The following SEMA6D variants were observed in gnomAD, a reference collection of about 807,000 sequenced individuals.
The protein encoded by SEMA6D is semaphorin-6D.
SEMA6D carries 35 observed loss-of-function variants against 106.6 expected under a neutral mutation model. The ratio of observed to expected loss-of-function variants is 0.33; its 90% CI spans 0.25 to 0.44. The LOEUF (loss-of-function observed/expected upper bound fraction) is 0.44. SEMA6D is among the 20% of genes least tolerant of loss of function. SEMA6D has a pLI of 1.00. For missense variants in SEMA6D, 1,185 were observed against 1,345.9 expected (o/e 0.88, Z 1.87); for synonymous variants, 499 against 487.7 (o/e 1.02, Z -0.31).
intron 1 of SEMA6D, among the ~76,000 whole-genome samples, chr15:47,752,978 C>T (rs1194411361): frequency 6.6e-6 from 1 of 151,144 alleles, no homozygotes; most frequent in Non-Finnish European, 1.5e-5. Flanking sequence ...CACTGCACTC[C>T]ACCCTGGGCA....
At chr15:47,235,658 A>G (rs567204922) in intron 1 of SEMA6D, among the ~76,000 whole-genome samples, 99 of 152,166 alleles carry the variant, frequency 6.5e-4, no homozygotes, top group African/African-American at 2.4e-3. Context: ...TGAGCTCTCT[A>G]TTCTGTTCCA....
At chr15:47,683,048 T>A (rs1016376568) in intron 4 of SEMA6D, among the ~76,000 whole-genome samples, 5 of 152,218 alleles carry the variant, frequency 3.3e-5, no homozygotes, top group African/African-American at 1.2e-4. Flanking sequence ...AAATGATTAG[T>A]CTGTGCACAT....
intron 1 of SEMA6D, among the ~76,000 whole-genome samples, chr15:47,404,203 A>T (rs8032737): frequency 6.6e-6 from 1 of 151,676 alleles, no homozygotes; most frequent in African/African-American, 2.4e-5. Context: ...ATACCCTAGC[A>T]AGGAGAACCT....
intron 1 of SEMA6D, among the ~76,000 whole-genome samples, chr15:47,725,239 G>A (rs1399839079): frequency 1.3e-5 from 2 of 152,156 alleles, no homozygotes; most frequent in Non-Finnish European, 2.9e-5. Context: ...GCTCATCACT[G>A]TAAGCTAGCA....
chr15:47,364,851 G>A (rs2038954688), intron 1 of SEMA6D, among the ~76,000 whole-genome samples: 1 of 151,844 alleles, frequency 6.6e-6, no homozygotes, highest in Non-Finnish European at 1.5e-5. Flanking sequence ...GCTCTGAGCT[G>A]TATCTCAATA....
At chr15:47,224,337 C>T (rs1467896688) in intron 1 of SEMA6D, among the ~76,000 whole-genome samples, 1 of 151,924 alleles carries the variant, frequency 6.6e-6, no homozygotes, top group Non-Finnish European at 1.5e-5. Context: ...GATTCTTTTT[C>T]TATCCTCTGT....
intron 1 of SEMA6D, among the ~76,000 whole-genome samples, chr15:47,258,113 A>C (rs2033900762): frequency 6.6e-6 from 1 of 152,104 alleles, no homozygotes; most frequent in African/African-American, 2.4e-5. Context: ...TTTTGATTTG[A>C]AGTAAGCTTT....
intron 1 of SEMA6D, among the ~76,000 whole-genome samples, chr15:47,747,171 G>A (rs1442151754): frequency 6.6e-6 from 1 of 151,958 alleles, no homozygotes; most frequent in African/African-American, 2.4e-5. Flanking sequence ...CTGTTAATGA[G>A]GATTGTTTCT....
chr15:47,766,543 T>TTC, intron 15 of SEMA6D, 73 bp from the exon 16 acceptor site: 1 of 1,399,762 alleles, frequency 7.1e-7, no homozygotes, highest in Non-Finnish European at 1.0e-6. Flanking sequence ...GTGTTCTTGG[T>TTC]TCTGCTCTGG....
chr15:47,195,948 C>G (rs1894314768), intron 1 of SEMA6D, among the ~76,000 whole-genome samples: 1 of 151,990 alleles, frequency 6.6e-6, no homozygotes, highest in African/African-American at 2.4e-5. Flanking sequence ...CAAGGCCCCC[C>G]AGGCCACCTG....
intron 3 of SEMA6D, among the ~76,000 whole-genome samples, chr15:47,552,889 T>A (rs1024894941): frequency 2.0e-4 from 3 of 14,722 alleles, no homozygotes; most frequent in Non-Finnish European, 2.7e-4. Context: ...TAAATATATA[T>A]AAATATATAT....
At chr15:47,252,432 A>C (rs181699240) in intron 1 of SEMA6D, among the ~76,000 whole-genome samples, 154 of 152,230 alleles carry the variant, frequency 1.0e-3, no homozygotes, top group African/African-American at 3.7e-3. Flanking sequence ...TAACTATCCT[A>C]AAATACACAA....
rs1315246138 is a variant in SEMA6D at position 47,771,324 on chromosome 15, A to G, written c.2761A>G (p.Lys921Glu). ...GGGATCGATGTCTGAGGTCCCACCT[A>G]AAGTCCCTAACCGGGAGGCATCGCT... ...PMGSMSEVPP[K>E]VPNREASLYS... Residue 921 changes from lysine to glutamate, a missense_variant, in exon 19 of 19, where the codon AAA becomes GAA. Coordinates refer to ENST00000536845, the MANE Select transcript of SEMA6D (RefSeq NM_001358351.3). The G allele has an allele frequency of 2.5e-6, 4 of 1,613,996 alleles. No individual in the cohort carries two copies. The highest frequency in any genetic ancestry group is 3.3e-5 in the Admixed American group (2 of 60,008).
At chr15:47,248,305 T>C (rs1443918955) in intron 1 of SEMA6D, among the ~76,000 whole-genome samples, 2 of 152,198 alleles carry the variant, frequency 1.3e-5, no homozygotes, top group Non-Finnish European at 2.9e-5. Flanking sequence ...CAACAAAGCA[T>C]TGTATCTCAT....
chr15:47,585,880 C>T (rs1387982993), intron 3 of SEMA6D, among the ~76,000 whole-genome samples: 2 of 152,206 alleles, frequency 1.3e-5, no homozygotes, highest in East Asian at 1.9e-4. Context: ...CTGGCACCAG[C>T]CTGCAGCCCT....
At chr15:47,363,728 GT>G (rs945902931) in intron 1 of SEMA6D, among the ~76,000 whole-genome samples, 2 of 152,170 alleles carry the variant, frequency 1.3e-5, no homozygotes, top group African/African-American at 4.8e-5. Context: ...CAGGAAGGAA[GT>G]TGTATTCGTT....
rs1394460333 is a variant in SEMA6D, at chr15:47,501,438, G to A, written c.-87+30893G>A. ...GCAAAAACCTGCAATGGACTTGGGGGAAAGATCCTCCATGGGACCAAAATA... is the reference window on the plus strand; with the variant it reads ...GCAAAAACCTGCAATGGACTTGGGGAAAAGATCCTCCATGGGACCAAAATA... On this transcript the variant is annotated intron_variant, in intron 3 of 19. Transcript: ENST00000558014. Among the ~76,000 whole-genome samples, 5 of 152,174 alleles carry A rather than the reference G, an allele frequency of 3.3e-5. No individual in the cohort carries two copies. In the East Asian group the frequency reaches 7.7e-4, roughly 23 times the overall value.
chr15:47,580,685 C>G (rs2076240514), intron 3 of SEMA6D, among the ~76,000 whole-genome samples: 1 of 152,134 alleles, frequency 6.6e-6, no homozygotes, highest in Non-Finnish European at 1.5e-5. Context: ...ACCAGGCTGC[C>G]TAGGTGCTGG....
chr15:47,767,050 T>A lies in SEMA6D; in HGVS notation c.1722T>A (p.Thr574=). The A allele has an allele frequency of 1.3e-6, 2 of 1,567,164 alleles. No homozygotes were observed. Among genetic ancestry groups the A allele is most frequent in the Non-Finnish European group, 1.7e-6 (2 of 1,157,410 alleles). Residue 574 remains threonine, a synonymous_variant, in exon 17 of 19, where the codon ACT becomes ACA. Coordinates refer to ENST00000536845, the MANE Select transcript of SEMA6D (RefSeq NM_001358351.3). ...HLGDCHEILP[T]STTPDYKIFG... ...TAATTCTTTTAGAAATTTTGCCTAC[T>A]TCAACTACACCAGATTACAAAATAT...
Sources: gnomAD v4.1 joint callset for allele counts (sites outside exome capture counted in the v4.1 genomes callset) on GRCh38, gnomAD v4.1.1 for gene constraint, MANE v1.5 for transcripts, NCBI Gene and HGNC (gene_info 2026-07-23, HGNC 2026-07-21) for gene names.